The following NRXN1 variants were observed in gnomAD, a reference collection of about 807,000 sequenced individuals.
NRXN1 encodes the protein neurexin 1.
A neutral mutation model predicts 150.9 loss-of-function variants in NRXN1; 39 were observed. The ratio of observed to expected loss-of-function variants is 0.26; its 90% CI spans 0.20 to 0.34. NRXN1 has a LOEUF of 0.34. Among genes scored for constraint, NRXN1 ranks in the 10% least tolerant of loss-of-function variants. The pLI, the probability that NRXN1 is intolerant of heterozygous loss-of-function variation, is 1.00. For synonymous variants in NRXN1, 924 were observed against 757.0 expected (o/e 1.22, Z -3.62); for missense variants, 1,815 against 1,949.9 (o/e 0.93, Z 1.30).
chr2:50,235,650 A>T (rs1350114901), intron 18 of NRXN1, among the ~76,000 whole-genome samples: 1 of 152,112 alleles, frequency 6.6e-6, no homozygotes, highest in Non-Finnish European at 1.5e-5. Flanking sequence ...GTACCCGATG[A>T]CCACTTTCTA....
intron 12 of NRXN1, among the ~76,000 whole-genome samples, chr2:50,511,425 C>G (rs767991323): frequency 2.0e-5 from 3 of 152,160 alleles, no homozygotes; most frequent in Non-Finnish European, 4.4e-5. Context: ...TCTCAAGGCA[C>G]ACCAAAATCT....
intron 17 of NRXN1, 122 bp downstream of exon 17, chr2:50,465,320 A>G (rs1207378204): frequency 9.1e-6 from 8 of 878,216 alleles, no homozygotes; most frequent in Non-Finnish European, 1.1e-5. Context: ...AACTGCTTCT[A>G]TGGGTTATGA....
intron 12 of NRXN1, among the ~76,000 whole-genome samples, chr2:50,508,066 T>A (rs2092314528): frequency 6.6e-6 from 1 of 152,200 alleles, no homozygotes; most frequent in South Asian, 2.1e-4. Context: ...CAGTTTTCCA[T>A]CCACATGAGA....
chr2:50,155,228 A>G (rs1049298599), intron 18 of NRXN1, among the ~76,000 whole-genome samples: 2 of 151,670 alleles, frequency 1.3e-5, no homozygotes, highest in Non-Finnish European at 3.0e-5. Flanking sequence ...TTCTTAATAT[A>G]TCCCAGGTTA....
At chr2:50,094,630 T>G (rs148097994) in intron 18 of NRXN1, among the ~76,000 whole-genome samples, 17 of 152,238 alleles carry the variant, frequency 1.1e-4, no homozygotes, top group African/African-American at 4.1e-4. Context: ...CAGGAGCCAC[T>G]TGTGCATTAG....
chr2:50,872,747 G>GT (rs141666582), intron 5 of NRXN1, among the ~76,000 whole-genome samples: 7,264 of 151,868 alleles, frequency 0.048, 227 homozygotes, highest in East Asian at 0.069. Flanking sequence ...GTGGCCAGAA[G>GT]TTTAAGAGCA....
intron 21 of NRXN1, among the ~76,000 whole-genome samples, chr2:50,005,834 G>T (rs906518400): frequency 3.3e-5 from 5 of 152,078 alleles, no homozygotes; most frequent in African/African-American, 1.2e-4. Context: ...TGCCTCAGAC[G>T]CATTTCTGCT....
At chr2:51,002,516 C>T (rs562860046) in intron 2 of NRXN1, among the ~76,000 whole-genome samples, 14 of 151,894 alleles carry the variant, frequency 9.2e-5, no homozygotes, top group Admixed American at 3.3e-4. Context: ...AATGACTTTC[C>T]GTAAGAAACA....
At chr2:50,163,264 G>A (rs1165245925) in intron 18 of NRXN1, among the ~76,000 whole-genome samples, 7 of 151,184 alleles carry the variant, frequency 4.6e-5, no homozygotes, top group Non-Finnish European at 1.0e-4. Flanking sequence ...CCTAGCAGAC[G>A]TCCAATGATA....
At chr2:50,453,529 C>T (rs2087209676) in intron 17 of NRXN1, among the ~76,000 whole-genome samples, 2 of 152,256 alleles carry the variant, frequency 1.3e-5, no homozygotes, top group South Asian at 4.2e-4. Flanking sequence ...ATACTCATCA[C>T]CTATTAAGCT....
intron 17 of NRXN1, among the ~76,000 whole-genome samples, chr2:50,395,822 G>A (rs2082017894): frequency 6.6e-6 from 1 of 152,118 alleles, no homozygotes; most frequent in East Asian, 1.9e-4. Flanking sequence ...GGTGAAATTT[G>A]CATCCTTGCC....
At chr2:50,462,707 T>C (rs1192667861) in intron 17 of NRXN1, among the ~76,000 whole-genome samples, 1 of 151,886 alleles carries the variant, frequency 6.6e-6, no homozygotes, top group African/African-American at 2.4e-5. Context: ...GCCTTTGGCA[T>C]CATTTTGAAT....
At chr2:50,077,152 A>T (rs1479259478) in intron 19 of NRXN1, among the ~76,000 whole-genome samples, 1 of 152,138 alleles carries the variant, frequency 6.6e-6, no homozygotes, top group Non-Finnish European at 1.5e-5. Context: ...AAGGTATGTA[A>T]AATAATTAGC....
intron 18 of NRXN1, among the ~76,000 whole-genome samples, chr2:50,109,515 C>T (rs1702099604): frequency 1.3e-5 from 2 of 151,604 alleles, no homozygotes; most frequent in African/African-American, 4.9e-5. Context: ...TTTTTGAGAT[C>T]TAAAATTGTT....
intron 5 of NRXN1, among the ~76,000 whole-genome samples, chr2:50,804,823 T>C (rs555598940): frequency 1.3e-4 from 20 of 152,188 alleles, no homozygotes; most frequent in Non-Finnish European, 2.9e-4. Context: ...CAAAACCACT[T>C]TTCTCTCCAA....
At chr2:50,513,261 A>G (rs1048923356) in intron 12 of NRXN1, among the ~76,000 whole-genome samples, 1 of 152,192 alleles carries the variant, frequency 6.6e-6, no homozygotes, top group African/African-American at 2.4e-5. Flanking sequence ...GAGTTCTGCA[A>G]ACCACCAAAG....
At chr2:50,300,827 C>T (rs2074078330) in intron 17 of NRXN1, among the ~76,000 whole-genome samples, 1 of 152,110 alleles carries the variant, frequency 6.6e-6, no homozygotes, top group Non-Finnish European at 1.5e-5. Flanking sequence ...TCCTGAGTAG[C>T]CGGGATTACA....
At chr2:50,585,238 A>G (rs1672905924) in intron 8 of NRXN1, among the ~76,000 whole-genome samples, 2 of 152,158 alleles carry the variant, frequency 1.3e-5, no homozygotes, top group South Asian at 4.1e-4. Context: ...CCGGGACAAA[A>G]AAACCACTAC....
intron 5 of NRXN1, among the ~76,000 whole-genome samples, chr2:50,777,708 A>G (rs1179576723): frequency 6.6e-6 from 1 of 152,162 alleles, no homozygotes; most frequent in Non-Finnish European, 1.5e-5. Context: ...ACATCATCTA[A>G]ATATCCTAAA....
Sources: allele counts gnomAD v4.1 joint callset (sites outside exome capture counted in the v4.1 genomes callset), GRCh38; gene constraint gnomAD v4.1.1; transcripts MANE v1.5; gene names NCBI Gene and HGNC (gene_info 2026-07-23, HGNC 2026-07-21).